STX18: variants seen among roughly 807,000 people sequenced by gnomAD.
STX18 encodes the protein syntaxin-18.
In STX18, 40 loss-of-function variants were observed where a neutral mutation model predicts 50.1. The ratio of observed to expected loss-of-function variants is 0.80; its 90% CI spans 0.62 to 1.04. STX18 has a LOEUF of 1.04. Among genes scored for constraint, STX18 ranks in the 50% least tolerant of loss-of-function variants. The pLI, the probability that STX18 is intolerant of heterozygous loss-of-function variation, is 0.00. For missense variants in STX18, 410 were observed against 415.8 expected (o/e 0.99, Z 0.12); for synonymous variants, 158 against 151.8 (o/e 1.04, Z -0.30).
chr4:4,516,694 G>A (rs968434766), intron 1 of STX18, among the ~76,000 whole-genome samples: 11 of 151,902 alleles, frequency 7.2e-5, no homozygotes, highest in African/African-American at 9.7e-5. Flanking sequence ...CTTGACTAAC[G>A]TGCTATGCAT....
At chr4:4,438,145 TC>T (rs911927648) in intron 6 of STX18, among the ~76,000 whole-genome samples, 3 of 152,156 alleles carry the variant, frequency 2.0e-5, no homozygotes, top group Non-Finnish European at 4.4e-5. Context: ...GCCTCACCCC[TC>T]CAGCAGGCCC....
chr4:4,482,234 C>T (rs1463142949), intron 1 of STX18, among the ~76,000 whole-genome samples: 1 of 152,238 alleles, frequency 6.6e-6, no homozygotes. Context: ...CTCACTCATT[C>T]CAATCCATAG....
chr4:4,478,184 T>C (rs1162266816), intron 1 of STX18, among the ~76,000 whole-genome samples: 1 of 151,914 alleles, frequency 6.6e-6, no homozygotes, highest in African/African-American at 2.4e-5. Flanking sequence ...TATATGTTGA[T>C]TTTTTAACAA....
chr4:4,457,096 G>A (rs780154919), intron 5 of STX18, 95 bp downstream of exon 5: 156 of 1,193,504 alleles, frequency 1.3e-4, no homozygotes, highest in Middle Eastern at 9.6e-4. Flanking sequence ...GTTCAAACAC[G>A]GTACATTGCA....
At chr4:4,447,349 C>G (rs945709148) in intron 5 of STX18, among the ~76,000 whole-genome samples, 3 of 150,778 alleles carry the variant, frequency 2.0e-5, no homozygotes, top group East Asian at 2.0e-4. Context: ...CAGCACTTTG[C>G]GAGGCCGAGG....
At chr4:4,452,945 G>A (rs1428817333) in intron 5 of STX18, among the ~76,000 whole-genome samples, 1 of 152,194 alleles carries the variant, frequency 6.6e-6, no homozygotes, top group Admixed American at 6.5e-5. Flanking sequence ...AGTCACTGGA[G>A]ATGTGGTGGA....
At chr4:4,524,138 T>C (rs576729978) in intron 1 of STX18, among the ~76,000 whole-genome samples, 12 of 152,340 alleles carry the variant, frequency 7.9e-5, no homozygotes, top group Non-Finnish European at 1.6e-4. Context: ...GGCATATAGT[T>C]GGTGCTTAAC....
In STX18 at chr4:4,512,277, CTTTG is replaced by C. The variant is rs138425375; in HGVS notation, c.168+29516_168+29519del. On this transcript the variant is annotated intron_variant, in intron 1 of 10. Coordinates refer to ENST00000306200, the MANE Select transcript of STX18 (RefSeq NM_016930.4). Reference sequence around the variant, plus strand: ...AAACTGGCCACCAACAGCTCCCGAGCTTTGTTTGCTGAAATCCAGGCCTCTGGAC... The same window carrying C: ...AAACTGGCCACCAACAGCTCCCGAGCTTTGCTGAAATCCAGGCCTCTGGAC... Among the ~76,000 whole-genome samples, 594 of 152,140 alleles carry C rather than the reference CTTTG, an allele frequency of 3.9e-3. 5 individuals are homozygous for C. The highest frequency in any genetic ancestry group is 0.013 in the African/African-American group (548 of 41,508).
chr4:4,531,152 T>TACACACACACACACACAC (rs142048912), intron 1 of STX18, among the ~76,000 whole-genome samples: 7 of 149,678 alleles, frequency 4.7e-5, no homozygotes, highest in South Asian at 2.1e-4. Context: ...GGATAAAATT[T>TACACACACACACACACAC]ACACACACAC....
chr4:4,483,923 A>G (rs1388375199), intron 1 of STX18, among the ~76,000 whole-genome samples: 1 of 151,488 alleles, frequency 6.6e-6, no homozygotes, highest in Non-Finnish European at 1.5e-5. Flanking sequence ...GTGCAGTGGC[A>G]TGATCTCAGC....
Position 4,420,274 on chromosome 4 carries a change from G to T in STX18, c.913-145C>A, listed in dbSNP as rs1051981226. On this transcript the variant is annotated intron_variant, in intron 10 of 10. Transcript: ENST00000306200. This position sits in a 1 kb window ranked among gnomAD's most constrained non-coding sequence, Gnocchi z 4.3. ...CCATCTGTGCTTACCTTGAATAGAT[G>T]GCTTTTGAGATCCACCAGAAGACAA... 3.2e-6 allele frequency: 2 copies of T among 631,638 alleles called. No individual in the cohort carries two copies. The highest frequency in any genetic ancestry group is 5.6e-6 in the Non-Finnish European group (2 of 359,978). The allele number at this position is 631,638 out of a possible 1,614,324, so 39.1% of individuals were successfully genotyped here.
chr4:4,443,839 T>G (rs1315324137), intron 5 of STX18, among the ~76,000 whole-genome samples: 2 of 152,204 alleles, frequency 1.3e-5, no homozygotes, highest in African/African-American at 4.8e-5. Context: ...GTCAAGATCC[T>G]CTGATGATAA....
At chr4:4,515,257 T>A (rs1560204460) in intron 1 of STX18, among the ~76,000 whole-genome samples, 1 of 152,156 alleles carries the variant, frequency 6.6e-6, no homozygotes, top group Non-Finnish European at 1.5e-5. Context: ...TTACTTCTAA[T>A]AAATACCTCA....
chr4:4,535,525 T>G (rs1383675759), intron 1 of STX18, among the ~76,000 whole-genome samples: 1 of 152,118 alleles, frequency 6.6e-6, no homozygotes, highest in Non-Finnish European at 1.5e-5. Flanking sequence ...CTGGGCCCTC[T>G]GGTTGGTTCC....
At chr4:4,460,166 C>T (rs544182803) in intron 2 of STX18, among the ~76,000 whole-genome samples, 7 of 152,290 alleles carry the variant, frequency 4.6e-5, no homozygotes, top group Admixed American at 2.6e-4. Context: ...GCCTGTCTCT[C>T]CCCTCTAAAA....
intron 2 of STX18, among the ~76,000 whole-genome samples, chr4:4,470,971 T>C (rs1298101800): frequency 1.3e-5 from 2 of 151,964 alleles, no homozygotes; most frequent in Non-Finnish European, 2.9e-5. Context: ...GGCTACTGAG[T>C]AGAAACTAGA....
At chr4:4,481,672 G>C (rs1176374483) in intron 1 of STX18, 1 of 152,164 alleles carries the variant, frequency 6.6e-6, no homozygotes, top group Non-Finnish European at 1.5e-5. Context: ...ATTGAAAAAT[G>C]CATCAATAGC....
intron 7 of STX18, chr4:4,426,410 GA>G (rs1158830892): frequency 6.6e-6 from 1 of 152,250 alleles, no homozygotes; most frequent in African/African-American, 2.4e-5. Context: ...CGAATCGATG[GA>G]AGATCTGGCT....
chr4:4,480,244 A>T (rs1414553353), intron 1 of STX18, among the ~76,000 whole-genome samples: 1 of 152,218 alleles, frequency 6.6e-6, no homozygotes, highest in African/African-American at 2.4e-5. Flanking sequence ...ACATGTTATT[A>T]AACAATCAAA....
Sources: allele counts gnomAD v4.1 joint callset (sites outside exome capture counted in the v4.1 genomes callset), GRCh38; gene constraint gnomAD v4.1.1; non-coding constraint Gnocchi (gnomAD v3.1); transcripts MANE v1.5; gene names NCBI Gene and HGNC (gene_info 2026-07-23, HGNC 2026-07-21).